KIAA0513: variants seen among roughly 807,000 people sequenced by gnomAD.
The protein encoded by KIAA0513 is KIAA0513.
KIAA0513 carries 39 observed loss-of-function variants against 56.5 expected under a neutral mutation model. The ratio of observed to expected loss-of-function variants is 0.69; its 90% CI spans 0.53 to 0.90. The LOEUF (loss-of-function observed/expected upper bound fraction) is 0.90, where lower values mean the gene tolerates loss of function less well. Among genes scored for constraint, KIAA0513 ranks in the 40% least tolerant of loss-of-function variants. KIAA0513 has a pLI of 0.00. For synonymous variants in KIAA0513, 268 were observed against 215.6 expected (o/e 1.24, Z -2.13); for missense variants, 591 against 535.2 (o/e 1.10, Z -1.03).
chr16:85,071,192 G>A (rs1203676907), intron 2 of KIAA0513, among the ~76,000 whole-genome samples: 1 of 152,098 alleles, frequency 6.6e-6, no homozygotes, highest in Non-Finnish European at 1.5e-5. Context: ...GGAGGTCCCC[G>A]GTCTCCATCC....
rs2073857952 is a variant in KIAA0513, at chr16:85,090,607, T to G, written c.*2282T>G. On this transcript the variant is annotated 3_prime_UTR_variant, in exon 13 of 13. Coordinates refer to ENST00000683363, the MANE Select transcript of KIAA0513 (RefSeq NM_001388359.1). ...ATTTCAGGGGAGGAAAGGGTTGGGGTTTTCTTTGTTTGTTTGTTTGTTTCC... is the reference window on the plus strand; with the variant it reads ...ATTTCAGGGGAGGAAAGGGTTGGGGGTTTCTTTGTTTGTTTGTTTGTTTCC... The G allele has an allele frequency of 6.6e-6, 1 of 151,992 alleles. No individual in the cohort carries two copies. Among genetic ancestry groups the G allele is most frequent in the Admixed American group, 6.6e-5 (1 of 15,244 alleles). The allele number at this position is 151,992 out of a possible 1,614,324, so 9.4% of individuals were successfully genotyped here.
intron 1 of KIAA0513, among the ~76,000 whole-genome samples, chr16:85,029,375 A>G (rs1255206567): frequency 6.6e-6 from 1 of 152,182 alleles, no homozygotes; most frequent in Non-Finnish European, 1.5e-5. Context: ...GTTGGTTTGC[A>G]TTATTTGAGA....
At chr16:85,058,197 C>G (rs2073356093) in intron 1 of KIAA0513, among the ~76,000 whole-genome samples, 1 of 152,222 alleles carries the variant, frequency 6.6e-6, no homozygotes, top group South Asian at 2.1e-4. Flanking sequence ...CCTACTGAGG[C>G]ATCTGGCACT....
intron 6 of KIAA0513, among the ~76,000 whole-genome samples, chr16:85,078,095 G>A (rs1168355896): frequency 6.6e-6 from 1 of 152,164 alleles, no homozygotes; most frequent in Non-Finnish European, 1.5e-5. Context: ...ACAAGGAAGA[G>A]GGATGCGGCA....
In KIAA0513 at chr16:85,081,148, G is replaced by A. The variant is rs1341532781; in HGVS notation, c.903-167G>A. 2.0e-5 allele frequency among the ~76,000 whole-genome samples: 3 copies of A among 152,198 alleles called. No homozygotes were observed. The highest frequency in any genetic ancestry group is 6.5e-5 in the Admixed American group (1 of 15,284). On this transcript the variant is annotated intron_variant, in intron 8 of 12. Coordinates refer to ENST00000683363, the MANE Select transcript of KIAA0513 (RefSeq NM_001388359.1). The surrounding 1 kb of genome is among the most constrained non-coding windows in gnomAD (Gnocchi z 4.4). Reference sequence around the variant, plus strand: ...AGCCCCAGGGAAACAGCTGTAATTAGATCAAGCCATATGCTCAGTTTTTCC... The same window carrying A: ...AGCCCCAGGGAAACAGCTGTAATTAAATCAAGCCATATGCTCAGTTTTTCC...
At chr16:85,058,859 C>T (rs1328333968) in intron 1 of KIAA0513, among the ~76,000 whole-genome samples, 1 of 152,134 alleles carries the variant, frequency 6.6e-6, no homozygotes, top group Non-Finnish European at 1.5e-5. Flanking sequence ...ATGAATTTGT[C>T]AGATCAAGAG....
chr16:85,076,100 G>C lies in KIAA0513; in HGVS notation c.574+186G>C, dbSNP rs1234209739. Among the ~76,000 whole-genome samples the C allele has an allele frequency of 6.6e-6, 1 of 150,968 alleles. No homozygotes were observed. The highest frequency in any genetic ancestry group is 1.5e-5 in the Non-Finnish European group (1 of 68,016). On this transcript the variant is annotated intron_variant, in intron 5 of 12. Transcript: ENST00000683363. The surrounding 1 kb of genome is among the most constrained non-coding windows in gnomAD (Gnocchi z 4.7). ...AGTCCGAATCATGGGGCAGGAGGTT[G>C]ACTGCCCAGGGTACGAAGGAAACTC... is the stretch of plus-strand genomic sequence containing the variant.
In KIAA0513 at chr16:85,071,699, C is replaced by T. The variant is rs918555797; in HGVS notation, c.330-84C>T. On this transcript the variant is annotated intron_variant, in intron 2 of 12. Coordinates refer to ENST00000683363, the MANE Select transcript of KIAA0513 (RefSeq NM_001388359.1). Reference sequence around the variant, plus strand: ...TGGCTGGGGAATATTTCGTTAGTTCCTTCTCCTTGCTCTTCCCCTGTTGCT... The same window carrying T: ...TGGCTGGGGAATATTTCGTTAGTTCTTTCTCCTTGCTCTTCCCCTGTTGCT... The T allele has an allele frequency of 5.3e-5, 60 of 1,132,278 alleles. No homozygotes were observed. In the African/African-American group the frequency reaches 7.4e-4, roughly 14 times the overall value. The allele number at this position is 1,132,278 out of a possible 1,614,324, so 70.1% of individuals were successfully genotyped here. A position where few individuals can be genotyped will look rare whatever the true frequency, so the allele number is the denominator to read the frequency against.
In KIAA0513 at chr16:85,089,452, C is replaced by T. The variant is rs921676089; in HGVS notation, c.*1127C>T. On this transcript the variant is annotated 3_prime_UTR_variant, in exon 13 of 13. Transcript: ENST00000683363. This position sits in a 1 kb window ranked among gnomAD's most constrained non-coding sequence, Gnocchi z 4.2. ...TTACTGCCTGGGAACCACGGCCCTTCTCTTCTGTGGGTCTGTACCAGGTAC... is the reference window on the plus strand; with the variant it reads ...TTACTGCCTGGGAACCACGGCCCTTTTCTTCTGTGGGTCTGTACCAGGTAC... 40 of 152,658 alleles carry T rather than the reference C, an allele frequency of 2.6e-4. No homozygotes were observed. The highest frequency in any genetic ancestry group is 9.2e-4 in the African/African-American group (38 of 41,468). 9.5% of individuals were successfully genotyped at this position (152,658 alleles called of 1,614,324 possible).
rs372106070 is a variant in KIAA0513 at position 85,081,298 on chromosome 16, G to A, written c.903-17G>A. On this transcript the variant is annotated splice_polypyrimidine_tract_variant and intron_variant, in intron 8 of 12. Transcript: ENST00000683363. The surrounding 1 kb of genome is among the most constrained non-coding windows in gnomAD (Gnocchi z 4.4). ...GCCTCCCCTTGGAGAGAGTGTGACT[G>A]GGGCTCTGTCTTGCAGGCACACTCT... 13 of 1,612,808 alleles carry A rather than the reference G, an allele frequency of 8.1e-6. No individual in the cohort carries two copies. The highest frequency in any genetic ancestry group is 6.7e-5 in the East Asian group (3 of 44,862).
chr16:85,051,828 T>C (rs1250711569), intron 1 of KIAA0513, among the ~76,000 whole-genome samples: 3 of 151,850 alleles, frequency 2.0e-5, no homozygotes, highest in Admixed American at 2.0e-4. Flanking sequence ...CATGTTTTTT[T>C]TTTTTTTAAG....
In KIAA0513 at chr16:85,070,046, C is replaced by T. The variant is rs952340796; in HGVS notation, c.330-1737C>T. The stretch of plus-strand genomic sequence containing the variant: ...ATTAGCCAGGCATGGTGGCATGTAC[C>T]CATAGTCCCAGCTACTCAGGAGGCT... On this transcript the variant is annotated intron_variant, in intron 2 of 12. Coordinates refer to ENST00000683363, the MANE Select transcript of KIAA0513 (RefSeq NM_001388359.1). Among the ~76,000 whole-genome samples, 3 of 151,802 alleles carry T rather than the reference C, an allele frequency of 2.0e-5. No homozygotes were observed. The South Asian group carries it at 6.2e-4, about 32-fold the overall frequency.
rs528853080 is a variant in KIAA0513, at chr16:85,081,351, C to T, written c.939C>T (p.Asp313=). 1.9e-5 allele frequency: 30 copies of T among 1,599,194 alleles called. No individual in the cohort carries two copies. In the Admixed American group the frequency reaches 1.9e-4, roughly 10 times the overall value. ...GGTTCTGGAATGCAGCCTTTTTTGA[C>T]GCTGTCCATTGTGAGAGGACAAAGC... The part of the protein sequence containing the change: ...TLRFWNAAFF[D]AVHCERTKRS... The change falls in exon 9 of 13, where the codon GAC becomes GAT. Residue 313 remains aspartate (D), a synonymous_variant. Transcript: ENST00000683363. This position sits in a 1 kb window ranked among gnomAD's most constrained non-coding sequence, Gnocchi z 4.4.
intron 4 of KIAA0513, among the ~76,000 whole-genome samples, chr16:85,073,508 G>C (rs2073609936): frequency 6.6e-6 from 1 of 152,238 alleles, no homozygotes; most frequent in African/African-American, 2.4e-5. Context: ...CTGCCAGCTG[G>C]AGATTTGGGG....
At chr16:85,086,992 G>A (rs946713327) in intron 11 of KIAA0513, 80 bp from the exon 12 acceptor site, 35 of 1,346,796 alleles carry the variant, frequency 2.6e-5, no homozygotes, top group South Asian at 4.8e-5. Flanking sequence ...CATGGTGGGC[G>A]TCCCAGAGAC....
Position 85,067,314 on chromosome 16 carries a change from C to A in KIAA0513, c.243C>A (p.Asn81Lys), listed in dbSNP as rs766389039. Reference sequence around the variant, plus strand: ...CCTCCAACGAGTCCTTCTCCTCCAACCAGAGCACCGAGTCTACCCAGGATG... The same window carrying A: ...CCTCCAACGAGTCCTTCTCCTCCAAACAGAGCACCGAGTCTACCCAGGATG... The part of the protein sequence containing the change: ...RSSSNESFSS[N>K]QSTESTQDEE... The change falls in exon 2 of 13, where the codon AAC becomes AAA. Residue 81 changes from asparagine (N) to lysine (K), a missense_variant. Asn to Lys is a moderately conservative substitution (Grantham distance 94). Transcript: ENST00000683363. The A allele has an allele frequency of 2.5e-6, 4 of 1,612,240 alleles. No homozygotes were observed. Among genetic ancestry groups the A allele is most frequent in the Non-Finnish European group, 3.4e-6 (4 of 1,179,852 alleles).
chr16:85,077,807 C>T (rs780882234), intron 6 of KIAA0513, among the ~76,000 whole-genome samples, 175 bp downstream of exon 6: 6 of 152,148 alleles, frequency 3.9e-5, no homozygotes, highest in Admixed American at 2.0e-4. Context: ...GCCAAGCCCC[C>T]CCCACTGACA....
intron 1 of KIAA0513, among the ~76,000 whole-genome samples, chr16:85,035,076 G>A (rs1597587158): frequency 6.6e-6 from 1 of 152,046 alleles, no homozygotes; most frequent in East Asian, 1.9e-4. Flanking sequence ...CTTCCTCTCA[G>A]CCCTCTGATT....
chr16:85,051,119 C>G (rs1350577357), intron 1 of KIAA0513, among the ~76,000 whole-genome samples: 2 of 151,998 alleles, frequency 1.3e-5, no homozygotes, highest in East Asian at 1.9e-4. Context: ...GCACTTCAGC[C>G]TGGGCGACAG....
Sources: allele counts gnomAD v4.1 joint callset (sites outside exome capture counted in the v4.1 genomes callset), GRCh38; gene constraint gnomAD v4.1.1; non-coding constraint Gnocchi (gnomAD v3.1); transcripts MANE v1.5; gene names NCBI Gene and HGNC (gene_info 2026-07-23, HGNC 2026-07-21).